The following GALNTL6 variants were observed in gnomAD, a reference collection of about 807,000 sequenced individuals.
GALNTL6 encodes polypeptide N-acetylgalactosaminyltransferase like 6, also known as polypeptide N-acetylgalactosaminyltransferase-like 6.
A neutral mutation model predicts 73.7 loss-of-function variants in GALNTL6; 46 were observed. The ratio of observed to expected loss-of-function variants is 0.62; its 90% CI spans 0.49 to 0.80. GALNTL6 has a LOEUF of 0.80. GALNTL6 is among the 30% of genes least tolerant of loss of function. The pLI is 0.00. For synonymous variants in GALNTL6, 259 were observed against 263.7 expected (o/e 0.98, Z 0.17); for missense variants, 604 against 755.0 (o/e 0.80, Z 2.34).
At chr4:172,798,959 A>G (rs1251762317) in intron 5 of GALNTL6, among the ~76,000 whole-genome samples, 1 of 152,212 alleles carries the variant, frequency 6.6e-6, no homozygotes, top group African/African-American at 2.4e-5. Flanking sequence ...ACAGTCTTAA[A>G]GATTAAAGGG....
intron 2 of GALNTL6, among the ~76,000 whole-genome samples, chr4:171,904,748 G>T (rs980327707): frequency 7.9e-5 from 12 of 152,160 alleles, no homozygotes; most frequent in Non-Finnish European, 1.5e-4. Flanking sequence ...CAGAGAGAAA[G>T]GTCGGGTTAC....
intron 5 of GALNTL6, among the ~76,000 whole-genome samples, chr4:172,472,940 A>C (rs557962860): frequency 6.6e-6 from 1 of 152,186 alleles, no homozygotes; most frequent in African/African-American, 2.4e-5. Flanking sequence ...GAGAGTGTTT[A>C]GCGTTTTTGC....
intron 2 of GALNTL6, among the ~76,000 whole-genome samples, chr4:171,848,466 G>A (rs1438288936): frequency 6.6e-6 from 1 of 152,152 alleles, no homozygotes; most frequent in Non-Finnish European, 1.5e-5. Flanking sequence ...TTTGAAATTT[G>A]AAAACCAGGC....
At chr4:171,840,602 C>CT (rs956768172) in intron 2 of GALNTL6, among the ~76,000 whole-genome samples, 2 of 152,136 alleles carry the variant, frequency 1.3e-5, no homozygotes, top group Non-Finnish European at 2.9e-5. Flanking sequence ...ATAGATACTG[C>CT]TTAGGAGTGT....
At chr4:172,956,094 A>T (rs563009727) in intron 10 of GALNTL6, among the ~76,000 whole-genome samples, 4 of 152,132 alleles carry the variant, frequency 2.6e-5, no homozygotes, top group African/African-American at 7.2e-5. Context: ...TAAGAAAAAT[A>T]AAACAAAATA....
At chr4:172,307,726 TA>T (rs1740194432) in intron 3 of GALNTL6, among the ~76,000 whole-genome samples, 1 of 152,184 alleles carries the variant, frequency 6.6e-6, no homozygotes, top group Non-Finnish European at 1.5e-5. Context: ...TGCCTGTTTT[TA>T]TACCAGTACC....
At position 172,558,733 on chromosome 4, in the gene GALNTL6, A is replaced by G. The variant is rs150455696; in HGVS notation, c.553+210044A>G. Reference sequence around the variant, plus strand: ...TGTCAAAACTTATCAAGCTCCATATACAAGATTGGTTGTTTCAGTCTATGT... The same window carrying G: ...TGTCAAAACTTATCAAGCTCCATATGCAAGATTGGTTGTTTCAGTCTATGT... On this transcript the variant is annotated intron_variant, in intron 5 of 12. Transcript: ENST00000506823. Among the ~76,000 whole-genome samples the G allele has an allele frequency of 5.8e-4, 88 of 152,354 alleles. 1 individual carries two copies. The East Asian group carries it at 0.016, about 27-fold the overall frequency.
At chr4:172,321,857 A>C (rs932879763) in intron 4 of GALNTL6, among the ~76,000 whole-genome samples, 18 of 152,266 alleles carry the variant, frequency 1.2e-4, no homozygotes, top group African/African-American at 4.3e-4. Context: ...TAAGACAATA[A>C]TTGGTCACAG....
intron 2 of GALNTL6, among the ~76,000 whole-genome samples, chr4:172,216,902 C>T (rs1344472784): frequency 6.6e-6 from 1 of 152,000 alleles, no homozygotes; most frequent in Non-Finnish European, 1.5e-5. Flanking sequence ...GCCAAGACAA[C>T]TCTAAGAAGG....
intron 2 of GALNTL6, among the ~76,000 whole-genome samples, chr4:172,161,746 T>G (rs1243269049): frequency 1.3e-5 from 2 of 151,914 alleles, no homozygotes; most frequent in Non-Finnish European, 2.9e-5. Context: ...TAATCATCAG[T>G]TTAAATAATA....
chr4:172,168,152 G>A (rs1207870559), intron 2 of GALNTL6, among the ~76,000 whole-genome samples: 1 of 152,170 alleles, frequency 6.6e-6, no homozygotes, highest in Admixed American at 6.5e-5. Flanking sequence ...TTAGTTTTAA[G>A]CCTTTGAGCC....
rs1392849167 is a variant in GALNTL6, at chr4:172,341,462, A to G, written c.387-7061A>G. On this transcript the variant is annotated intron_variant, in intron 4 of 12. Transcript: ENST00000506823. The stretch of plus-strand genomic sequence containing the variant: ...CGAGACTCCGTCTCAAAAAAAAAAA[A>G]AAAAAAAAAAAAAAATGTAGTTGTT... Among the ~76,000 whole-genome samples the G allele has an allele frequency of 4.4e-3, 668 of 151,626 alleles. 9 individuals are homozygous for G. The highest frequency in any genetic ancestry group is 0.015 in the African/African-American group (619 of 41,226).
chr4:172,373,331 G>A (rs1742895487), intron 5 of GALNTL6, among the ~76,000 whole-genome samples: 1 of 152,226 alleles, frequency 6.6e-6, no homozygotes, highest in Non-Finnish European at 1.5e-5. Context: ...ATTTGAGAGA[G>A]CAGGGAATAG....
intron 2 of GALNTL6, among the ~76,000 whole-genome samples, chr4:171,868,883 G>GT (rs1271461455): frequency 6.6e-6 from 1 of 152,154 alleles, no homozygotes; most frequent in Non-Finnish European, 1.5e-5. Flanking sequence ...GTTTCACCAT[G>GT]TTGGCCAGGC....
rs1284740773 is a variant in GALNTL6 at position 172,866,288 on chromosome 4, G to A, written c.924-16502G>A. Reference sequence around the variant, plus strand: ...GGATGGTGTGTGTGAGTGCATATACGAGAGAGAGGAAAGAGGTGGGGAGAA... The same window carrying A: ...GGATGGTGTGTGTGAGTGCATATACAAGAGAGAGGAAAGAGGTGGGGAGAA... On this transcript the variant is annotated intron_variant, in intron 7 of 12. Transcript: ENST00000506823. Among the ~76,000 whole-genome samples, 8 of 152,262 alleles carry A rather than the reference G, an allele frequency of 5.3e-5. No individual in the cohort carries two copies. The East Asian group carries it at 1.4e-3, about 26-fold the overall frequency.
intron 2 of GALNTL6, among the ~76,000 whole-genome samples, chr4:172,033,978 C>G (rs1009685309): frequency 2.0e-5 from 3 of 152,108 alleles, no homozygotes; most frequent in African/African-American, 7.2e-5. Flanking sequence ...TAACTTTTAA[C>G]ATACATGATT....
chr4:172,662,475 C>A (rs747013293), intron 5 of GALNTL6, among the ~76,000 whole-genome samples: 1 of 152,138 alleles, frequency 6.6e-6, no homozygotes, highest in African/African-American at 2.4e-5. Context: ...CTTTCTGCCA[C>A]GATAATCGGC....
chr4:172,298,255 T>C (rs1739762544), intron 3 of GALNTL6, among the ~76,000 whole-genome samples: 1 of 152,210 alleles, frequency 6.6e-6, no homozygotes, highest in Non-Finnish European at 1.5e-5. Context: ...GCTTTTGGGC[T>C]GAGATGATGG....
chr4:173,031,097 G>A (rs1238267897), intron 12 of GALNTL6, among the ~76,000 whole-genome samples: 2 of 152,022 alleles, frequency 1.3e-5, no homozygotes, highest in African/African-American at 4.8e-5. Flanking sequence ...GTGGATGCTG[G>A]CTTTGGGACC....
Sources: allele counts gnomAD v4.1 joint callset (sites outside exome capture counted in the v4.1 genomes callset), GRCh38; gene constraint gnomAD v4.1.1; transcripts MANE v1.5; gene names NCBI Gene and HGNC (gene_info 2026-07-23, HGNC 2026-07-21).